Variants in TREML1 observed in about 807,000 individuals in gnomAD.
TREML1 encodes trem-like transcript 1 protein.
TREML1 carries 27 observed loss-of-function variants against 22.8 expected under a neutral mutation model. That is an observed-to-expected ratio of 1.19 (90% CI 0.87 to 1.64). The LOEUF (loss-of-function observed/expected upper bound fraction) is 1.64. Among genes scored for constraint, TREML1 ranks in the 40% most tolerant of loss-of-function variants. TREML1 has a pLI of 0.00. For missense variants in TREML1, 356 were observed against 382.0 expected, an observed-to-expected ratio of 0.93 and a Z score of 0.57; for synonymous variants, 153 against 161.9, an observed-to-expected ratio of 0.94 and a Z score of 0.42.
At position 41,154,334 on chromosome 6, in the gene TREML1, T is replaced by C. The variant is rs747394345; in HGVS notation, c.-46A>G. On this transcript the variant is annotated 5_prime_UTR_variant, in exon 1 of 6. Transcript: ENST00000426005. ...ACTCCTGGGCTTGCCTGGGCACTGA[T>C]GCAGCATTCGCCTGAGGGCAGGAAA... The C allele has an allele frequency of 1.3e-6, 2 of 1,562,606 alleles. No homozygotes were observed. Among genetic ancestry groups the C allele is most frequent in the Non-Finnish European group, 1.8e-6 (2 of 1,134,538 alleles).
intron 2 of TREML1, chr6:41,151,587 C>CT: frequency 1.7e-6 from 1 of 574,232 alleles, no homozygotes; most frequent in South Asian, 2.1e-5. Context: ...GGCACTGGCT[C>CT]TTTATGTCTT....
intron 1 of TREML1, 40 bp from the exon 2 acceptor site, chr6:41,154,130 G>T: frequency 6.3e-7 from 1 of 1,597,384 alleles, no homozygotes; most frequent in Non-Finnish European, 8.5e-7. Context: ...GGCAGGAGCT[G>T]GGAGCATCTC....
chr6:41,151,028 A>G, intron 3 of TREML1, 121 bp from the exon 4 acceptor site: 1 of 864,180 alleles, frequency 1.2e-6, no homozygotes, highest in East Asian at 2.6e-5. Flanking sequence ...GATGAAATAG[A>G]ATGAGGGGAG....
At chr6:41,151,201 G>C in intron 3 of TREML1, 81 bp downstream of exon 3, 1 of 1,254,944 alleles carries the variant, frequency 8.0e-7, no homozygotes, top group Non-Finnish European at 1.2e-6. Flanking sequence ...TTTCCCCTTC[G>C]ATTTAGTTTG....
At chr6:41,153,624 G>T (rs1044512294) in intron 2 of TREML1, 134 bp downstream of exon 2, 1 of 854,210 alleles carries the variant, frequency 1.2e-6, no homozygotes, top group Non-Finnish European at 1.8e-6. Flanking sequence ...TCCCTGCAGA[G>T]CTGTCAAGAG....
chr6:41,154,256 C>G lies in TREML1; in HGVS notation c.33G>C (p.Leu11=). 6.2e-7 allele frequency: 1 copy of G among 1,614,072 alleles called. No individual in the cohort carries two copies. The highest frequency in any genetic ancestry group is 1.3e-5 in the African/African-American group (1 of 75,064). The part of the protein sequence containing the change: MGLTLLLLLL[L]GLEGQGIVGS... ...CCTCCTGAACCTTACCTTCTAGTCC[C>G]AGGAGCAGCAGCAAGAGCAGGGTGA... The change falls in exon 1 of 6, where the codon CTG becomes CTC. Residue 11 remains leucine, a synonymous_variant. Coordinates refer to ENST00000426005, the MANE Select transcript of TREML1 (RefSeq NM_178174.4).
Position 41,154,326 on chromosome 6 carries a change from G to T in TREML1, c.-38C>A, listed in dbSNP as rs1373319396. ...AAATGTCAACTCCTGGGCTTGCCTG[G>T]GCACTGATGCAGCATTCGCCTGAGG... On this transcript the variant is annotated 5_prime_UTR_variant, in exon 1 of 6. Coordinates refer to ENST00000426005, the MANE Select transcript of TREML1 (RefSeq NM_178174.4). The T allele has an allele frequency of 6.3e-7, 1 of 1,593,022 alleles. No homozygotes were observed. The highest frequency in any genetic ancestry group is 8.6e-7 in the Non-Finnish European group (1 of 1,161,590).
At position 41,153,509 on chromosome 6, in the gene TREML1, T is replaced by G. The variant is rs1362671061; in HGVS notation, c.376+249A>C. 5.3e-5 allele frequency among the ~76,000 whole-genome samples: 8 copies of G among 151,562 alleles called. No homozygotes were observed. The South Asian group carries it at 1.5e-3, about 28-fold the overall frequency. On this transcript the variant is annotated intron_variant, in intron 2 of 5. Coordinates refer to ENST00000426005, the MANE Select transcript of TREML1 (RefSeq NM_178174.4). ...GGAAGAAGAGGCCAAGTCCCTGGAGTGGGAAGGACATGCCTTCCTGTGGGG... is the reference window on the plus strand; with the variant it reads ...GGAAGAAGAGGCCAAGTCCCTGGAGGGGGAAGGACATGCCTTCCTGTGGGG...
At chr6:41,151,735 A>G (rs922523128) in intron 2 of TREML1, 17 of 262,128 alleles carry the variant, frequency 6.5e-5, no homozygotes, top group South Asian at 5.4e-5. Context: ...AAAAACACCT[A>G]CTGGATGATC....
chr6:41,153,808 G>C lies in TREML1; in HGVS notation c.326C>G (p.Ala109Gly). 1 of 1,613,906 alleles carries C rather than the reference G, an allele frequency of 6.2e-7. No individual in the cohort carries two copies. Among genetic ancestry groups the C allele is most frequent in the South Asian group, 1.1e-5 (1 of 91,066 alleles). The change falls in exon 2 of 6, where the codon GCC becomes GGC. Residue 109 changes from alanine to glycine, a missense_variant. Transcript: ENST00000426005. Reference protein sequence around the residue: ...AGEYGCMVDGARGPQILHRVS... With the variant: ...AGEYGCMVDGGRGPQILHRVS... ...TCTGTGCAAAATCTGGGGCCCCCTG[G>C]CCCCATCCACCATGCAGCCATACTC...
rs753829007 is a variant in TREML1 at position 41,150,303 on chromosome 6, A to C, written c.579T>G (p.Leu193=). Residue 193 remains leucine, a synonymous_variant, in exon 5 of 6, where the codon CTT becomes CTG. Coordinates refer to ENST00000426005, the MANE Select transcript of TREML1 (RefSeq NM_178174.4). The part of the protein sequence containing the change: ...VMAKRKQGNR[L]GVCGRFLSSR... ...TGCTCAGGAATCGGCCACAGACACC[A>C]AGCCTGTTCCCTGGCAGGACAGACA... 1 of 1,614,030 alleles carries C rather than the reference A, an allele frequency of 6.2e-7. No homozygotes were observed.
upstream of TREML1, among the ~76,000 whole-genome samples, chr6:41,154,799 A>C (rs1041706384): frequency 2.0e-5 from 3 of 152,162 alleles, no homozygotes; most frequent in African/African-American, 7.2e-5. Flanking sequence ...TGTGCCCTGG[A>C]CTGGGTCTTT....
intron 2 of TREML1, 103 bp downstream of exon 2, chr6:41,153,655 C>T (rs1765334077): frequency 3.4e-5 from 41 of 1,199,156 alleles, no homozygotes; most frequent in Non-Finnish European, 4.7e-5. Context: ...TGGAATGCCT[C>T]CTCCCCAGGG....
intron 2 of TREML1, 24 bp downstream of exon 2, chr6:41,153,734 G>T (rs1385483552): frequency 6.4e-7 from 1 of 1,572,262 alleles, no homozygotes; most frequent in Non-Finnish European, 8.6e-7. Flanking sequence ...TCTAAGGGGT[G>T]GTAGCTGGCC....
intron 3 of TREML1, 132 bp downstream of exon 3, chr6:41,151,148 CTG>C (rs1277920310): frequency 1.0e-5 from 8 of 801,500 alleles, no homozygotes; most frequent in Non-Finnish European, 1.5e-5. Flanking sequence ...ATCTGTCTGT[CTG>C]TCTGTCCAGA....
Position 41,153,913 on chromosome 6 carries a change from C to T in TREML1, c.221G>A (p.Gly74Asp), listed in dbSNP as rs762239441. 1 of 1,614,232 alleles carries T rather than the reference C, an allele frequency of 6.2e-7. No individual in the cohort carries two copies. The highest frequency in any genetic ancestry group is 2.2e-5 in the East Asian group (1 of 44,874). Residue 74 changes from glycine (G) to aspartate (D), a missense_variant, in exon 2 of 6, where the codon GGC (glycine) becomes GAC (aspartate). Physicochemically the swap from Gly to Asp is moderately conservative, Grantham distance 94 (BLOSUM62 -1). Coordinates refer to ENST00000426005, the MANE Select transcript of TREML1 (RefSeq NM_178174.4). ...SSAVDRRAPA[G>D]RRTFLTDLGG... Reference sequence around the variant, plus strand: ...CAGGTCTGTGAGAAACGTACGCCTGCCCGCTGGAGCTCTGCGATCCACAGC... The same window carrying T: ...CAGGTCTGTGAGAAACGTACGCCTGTCCGCTGGAGCTCTGCGATCCACAGC...
At chr6:41,150,021 A>G (rs1054177563) in intron 5 of TREML1, 103 bp from the exon 6 acceptor site, 2 of 1,203,550 alleles carry the variant, frequency 1.7e-6, no homozygotes, top group Non-Finnish European at 2.3e-6. Context: ...AATCCTGAGT[A>G]TATCAGTGGG....
In TREML1 at chr6:41,153,992, G is replaced by A; in HGVS notation, c.142C>T (p.Gln48Ter). The A allele has an allele frequency of 6.2e-7, 1 of 1,614,198 alleles. No homozygotes were observed. The highest frequency in any genetic ancestry group is 8.5e-7 in the Non-Finnish European group (1 of 1,180,048). Residue 48 changes from glutamine to a stop codon, truncating the protein, a stop_gained, in exon 2 of 6, where the codon CAG becomes TAG. Coordinates refer to ENST00000426005, the MANE Select transcript of TREML1 (RefSeq NM_178174.4). LOFTEE classifies it high-confidence loss of function. ...GGCAAGAACCGGCACCACACCTTCT[G>A]AGCTTTGACATCCTGGAGCCTGTAG... ...CHYRLQDVKA[Q>*]KVWCRFLPEG...
At chr6:41,153,430 T>C (rs1023015706) in intron 2 of TREML1, among the ~76,000 whole-genome samples, 3 of 151,906 alleles carry the variant, frequency 2.0e-5, no homozygotes, top group Admixed American at 2.0e-4. Context: ...TTCAACATTG[T>C]TTAAAATATT....
Sources: gnomAD v4.1 joint callset for allele counts (sites outside exome capture counted in the v4.1 genomes callset) on GRCh38, gnomAD v4.1.1 for gene constraint, MANE v1.5 for transcripts, NCBI Gene and HGNC (gene_info 2026-07-23, HGNC 2026-07-21) for gene names.